The following SLC6A2 variants were observed in gnomAD, a reference collection of about 807,000 sequenced individuals.
SLC6A2 encodes sodium-dependent noradrenaline transporter.
A neutral mutation model predicts 71.7 loss-of-function variants in SLC6A2; 26 were observed. The observed-to-expected ratio is 0.36, with a 90% confidence interval of 0.27 to 0.50. SLC6A2 has a LOEUF of 0.50. SLC6A2 is among the 20% of genes least tolerant of loss of function. The pLI is 0.96. For missense variants in SLC6A2, 581 were observed against 803.9 expected (o/e 0.72, Z 3.35); for synonymous variants, 363 against 337.9 (o/e 1.07, Z -0.82).
At position 55,703,359 on chromosome 16, in the gene SLC6A2, C is replaced by A; in HGVS notation, c.*1013C>A. The A allele has an allele frequency of 2.0e-6, 2 of 985,380 alleles. No homozygotes were observed. The highest frequency in any genetic ancestry group is 2.4e-6 in the Non-Finnish European group (2 of 829,926). The allele number at this position is 985,380 out of a possible 1,614,324, so 61.0% of individuals were successfully genotyped here. ...GTTCTTGCACACCTGCACAGCCTCC[C>A]TCTGGGGATCCCACCTGGAGTGGAC... is the stretch of plus-strand genomic sequence containing the variant. On this transcript the variant is annotated 3_prime_UTR_variant, in exon 15 of 15. Coordinates refer to ENST00000568943, the MANE Select transcript of SLC6A2 (RefSeq NM_001172501.3).
rs377459012 is a variant in SLC6A2 at position 55,692,081 on chromosome 16, G to A, written c.918+29G>A. The A allele has an allele frequency of 2.3e-5, 37 of 1,613,550 alleles. No homozygotes were observed. In the African/African-American group the frequency reaches 4.1e-4, roughly 18 times the overall value. ...AGTGCTCAGTGACCACCAAGCCTTG[G>A]GCCAGGCTTGTGGGAGGGTTTTCAG... On this transcript the variant is annotated intron_variant, in intron 6 of 14. Transcript: ENST00000568943.
At chr16:55,660,194 G>A (rs779761108) in intron 2 of SLC6A2, among the ~76,000 whole-genome samples, 2 of 152,122 alleles carry the variant, frequency 1.3e-5, no homozygotes, top group Non-Finnish European at 2.9e-5. Flanking sequence ...GGGCAGGAAT[G>A]TACATGGAAT....
intron 4 of SLC6A2, among the ~76,000 whole-genome samples, chr16:55,684,109 G>A (rs552158143): frequency 1.3e-5 from 2 of 152,084 alleles, no homozygotes; most frequent in Admixed American, 1.3e-4. Flanking sequence ...AACAGTCTGG[G>A]CAACATGGCA....
intron 2 of SLC6A2, among the ~76,000 whole-genome samples, chr16:55,661,801 G>A (rs187715922): frequency 2.0e-4 from 31 of 152,252 alleles, no homozygotes; most frequent in African/African-American, 6.0e-4. Flanking sequence ...GTGATTCTGC[G>A]TCCCCAGTGG....
In SLC6A2 at chr16:55,669,668, C is replaced by A; in HGVS notation, c.378C>A (p.Thr126=). The A allele has an allele frequency of 6.2e-7, 1 of 1,614,096 alleles. No homozygotes were observed. The highest frequency in any genetic ancestry group is 1.3e-5 in the African/African-American group (1 of 75,038). The change falls in exon 3 of 15, where the codon ACC becomes ACA. Residue 126 remains threonine, a synonymous_variant. Coordinates refer to ENST00000568943, the MANE Select transcript of SLC6A2 (RefSeq NM_001172501.3). ...AGTACAACCGGGAGGGGGCTGCCAC[C>A]GTTTGGAAAATCTGCCCATTCTTCA... ...LGQYNREGAA[T]VWKICPFFKG...
At chr16:55,677,844 A>G (rs142227052) in intron 4 of SLC6A2, among the ~76,000 whole-genome samples, 1 of 152,132 alleles carries the variant, frequency 6.6e-6, no homozygotes, top group East Asian at 1.9e-4. Context: ...TATTTTTTGT[A>G]GAGATGGGGT....
chr16:55,693,835 C>A (rs966177271), intron 6 of SLC6A2, among the ~76,000 whole-genome samples, 175 bp from the exon 7 acceptor site: 8 of 152,208 alleles, frequency 5.3e-5, no homozygotes, highest in African/African-American at 1.9e-4. Flanking sequence ...CCTCTCTCTG[C>A]AGTTGTTTTG....
At chr16:55,698,593 C>T (rs1246800909) in intron 11 of SLC6A2, 25 bp downstream of exon 11, 2 of 1,494,786 alleles carry the variant, frequency 1.3e-6, no homozygotes, top group East Asian at 4.5e-5. Flanking sequence ...GGAAAAGCCT[C>T]AGCTCCCAGT....
chr16:55,667,789 AG>A (rs1403177725), intron 2 of SLC6A2, among the ~76,000 whole-genome samples: 1 of 97,856 alleles, frequency 1.0e-5, no homozygotes, highest in African/African-American at 4.6e-5. Context: ...GATCCTATTC[AG>A]ACTCATGTCC....
In SLC6A2 at chr16:55,703,674, T is replaced by A; in HGVS notation, c.*1328T>A. 1 of 985,470 alleles carries A rather than the reference T, an allele frequency of 1.0e-6. No homozygotes were observed. The highest frequency in any genetic ancestry group is 1.1e-4 in the East Asian group (1 of 8,808). 61.0% of individuals were successfully genotyped at this position (985,470 alleles called of 1,614,324 possible). A position where few individuals can be genotyped will look rare whatever the true frequency, so the allele number is the denominator to read the frequency against. On this transcript the variant is annotated 3_prime_UTR_variant, in exon 15 of 15. Coordinates refer to ENST00000568943, the MANE Select transcript of SLC6A2 (RefSeq NM_001172501.3). ...TGGTGGCATCTTTGGGAGGGGTTTC[T>A]GTTTATGGTTAGAGTCTCTTACACC...
chr16:55,689,348 G>T (rs1032404326), intron 5 of SLC6A2, among the ~76,000 whole-genome samples: 2 of 152,234 alleles, frequency 1.3e-5, no homozygotes, highest in Non-Finnish European at 2.9e-5. Flanking sequence ...GACAAAACAA[G>T]TTCCCTGCTT....
chr16:55,675,860 G>T (rs577678672), intron 4 of SLC6A2, among the ~76,000 whole-genome samples: 7 of 152,246 alleles, frequency 4.6e-5, no homozygotes, highest in African/African-American at 1.7e-4. Flanking sequence ...CCCAGAACCT[G>T]GGAATGAGTC....
Position 55,693,974 on chromosome 16 carries a change from A to G in SLC6A2, c.919-36A>G, listed in dbSNP as rs755821517. The G allele has an allele frequency of 3.7e-6, 5 of 1,350,762 alleles. No individual in the cohort carries two copies. In the African/African-American group the frequency reaches 5.7e-5, roughly 15 times the overall value. The allele number at this position is 1,350,762 out of a possible 1,614,324, so 83.7% of individuals were successfully genotyped here. A position where few individuals can be genotyped will look rare whatever the true frequency, so the allele number is the denominator to read the frequency against. On this transcript the variant is annotated intron_variant, in intron 6 of 14. Coordinates refer to ENST00000568943, the MANE Select transcript of SLC6A2 (RefSeq NM_001172501.3). ...CAGTGAGGTGTTCCAGTGTTGTAGG[A>G]AGCAGAGGCTGATGGCTTTTGTCTG...
rs1966073617 is a variant in SLC6A2, at chr16:55,705,055, G to T, written c.*2709G>T. 1 of 573,726 alleles carries T rather than the reference G, an allele frequency of 1.7e-6. No homozygotes were observed. Among genetic ancestry groups the T allele is most frequent in the Non-Finnish European group, 3.1e-6 (1 of 327,372 alleles). 35.5% of individuals were successfully genotyped at this position (573,726 alleles called of 1,614,324 possible). ...ATAGCAGAGGTCACCCGGGACAAGG[G>T]TGCTGTGTACTGTATATGACACTTG... On this transcript the variant is annotated 3_prime_UTR_variant, in exon 15 of 15. Transcript: ENST00000568943.
intron 4 of SLC6A2, 57 bp from the exon 5 acceptor site, chr16:55,685,071 GTCTGTGGTCACGGCC>G: frequency 6.8e-7 from 1 of 1,477,272 alleles, no homozygotes; most frequent in Non-Finnish European, 9.4e-7. Context: ...GCAGGGACTG[GTCTGTGGTCACGGCC>G]TCTGTCGTCC....
intron 2 of SLC6A2, among the ~76,000 whole-genome samples, chr16:55,658,892 G>C (rs749169123): frequency 6.6e-6 from 1 of 152,182 alleles, no homozygotes; most frequent in African/African-American, 2.4e-5. Flanking sequence ...CACCTTTGGC[G>C]GCTGCAGCCT....
chr16:55,674,448 C>T (rs1485241606), intron 4 of SLC6A2, among the ~76,000 whole-genome samples: 2 of 150,792 alleles, frequency 1.3e-5, no homozygotes, highest in Non-Finnish European at 3.0e-5. Flanking sequence ...TTTTTGAGAC[C>T]GAGTCTCTCT....
At position 55,672,083 on chromosome 16, in the gene SLC6A2, C is replaced by G; in HGVS notation, c.552C>G (p.Asn184Lys). Residue 184 changes from asparagine to lysine, a missense_variant, in exon 4 of 15, where the codon AAC becomes AAG. Asn to Lys is a moderately conservative substitution (Grantham distance 94). Around this residue, in one of 5 missense-constraint regions of SLC6A2, gnomAD observed 87 missense variants for 99.5 expected, o/e 0.87. Coordinates refer to ENST00000568943, the MANE Select transcript of SLC6A2 (RefSeq NM_001172501.3). ...TDCGHTWNSP[N>K]CTDPKLLNGS... is the part of the protein sequence containing the mutation. ...GTGGCCACACCTGGAACAGCCCCAA[C>G]TGTACCGACCCCAAGCTCCTCAATG... 6.2e-7 allele frequency: 1 copy of G among 1,614,244 alleles called. No individual in the cohort carries two copies. Among genetic ancestry groups the G allele is most frequent in the East Asian group, 2.2e-5 (1 of 44,882 alleles).
In SLC6A2 at chr16:55,700,273, T is replaced by C. The variant is rs770444638; in HGVS notation, c.1725T>C (p.Tyr575=). The change falls in exon 13 of 15, where the codon TAT becomes TAC. Residue 575 remains tyrosine, a synonymous_variant. Transcript: ENST00000568943. ...TCCTGGTGCCCATCTACGTCATCTA[T>C]AAGTTCCTCAGCACGCAGGGCTCTC... ...SMVLVPIYVI[Y]KFLSTQGSLW... is the part of the protein sequence containing the mutation. 1.9e-6 allele frequency: 3 copies of C among 1,613,930 alleles called. No homozygotes were observed. The highest frequency in any genetic ancestry group is 2.2e-5 in the South Asian group (2 of 91,070).
Sources: gnomAD v4.1 joint callset for allele counts (sites outside exome capture counted in the v4.1 genomes callset) on GRCh38, gnomAD v4.1.1 for gene constraint, gnomAD v4.1.1 regional missense constraint, MANE v1.5 for transcripts, NCBI Gene and HGNC (gene_info 2026-07-23, HGNC 2026-07-21) for gene names.